Variants in EXOC4 observed in about 807,000 individuals in gnomAD.
EXOC4 encodes SEC8-like 1.
Under a neutral mutation model 107.2 loss-of-function variants are expected in EXOC4, and 71 were observed. The ratio of observed to expected loss-of-function variants is 0.66; its 90% CI spans 0.55 to 0.81. The LOEUF (loss-of-function observed/expected upper bound fraction) is 0.81, where lower values mean the gene tolerates loss of function less well. EXOC4 is among the 30% of genes least tolerant of loss of function. EXOC4 has a pLI of 0.00. For missense variants in EXOC4, 1,108 were observed against 1,189.6 expected (o/e 0.93, Z 1.01); for synonymous variants, 456 against 441.2 (o/e 1.03, Z -0.42).
At chr7:133,458,452 C>T (rs946831905) in intron 7 of EXOC4, among the ~76,000 whole-genome samples, 1 of 152,168 alleles carries the variant, frequency 6.6e-6, no homozygotes, top group African/African-American at 2.4e-5. Context: ...CATGTCACTC[C>T]AGGGACACAG....
Position 133,370,894 on chromosome 7 carries a change from TATTA to T in EXOC4, c.1008-3927_1008-3924del, listed in dbSNP as rs1301899767. Among the ~76,000 whole-genome samples the T allele has an allele frequency of 8.5e-5, 13 of 152,344 alleles. 1 individual carries two copies. The highest frequency in any genetic ancestry group is 2.9e-4 in the African/African-American group (12 of 41,582). ...AGTGTTGTGAGTCTCTTAGAACAGT[TATTA>T]ATTAATACTTTCACTTTGCAGACGG... is the stretch of plus-strand genomic sequence containing the variant. On this transcript the variant is annotated intron_variant, in intron 6 of 17. Coordinates refer to ENST00000253861, the MANE Select transcript of EXOC4 (RefSeq NM_021807.4).
At chr7:133,917,467 A>G (rs956746740) in intron 12 of EXOC4, 116 bp from the exon 13 acceptor site, 3 of 955,512 alleles carry the variant, frequency 3.1e-6, no homozygotes, top group Non-Finnish European at 4.7e-6. Context: ...ATAATGGATT[A>G]TGTTCAAAGG....
At chr7:133,616,867 G>A (rs910380597) in intron 9 of EXOC4, among the ~76,000 whole-genome samples, 1 of 152,090 alleles carries the variant, frequency 6.6e-6, no homozygotes, top group African/African-American at 2.4e-5. Flanking sequence ...TCAGAAAAAT[G>A]TAAATAAAAC....
intron 11 of EXOC4, among the ~76,000 whole-genome samples, chr7:133,888,923 A>G (rs1389795608): frequency 6.6e-6 from 1 of 152,214 alleles, no homozygotes; most frequent in Non-Finnish European, 1.5e-5. Flanking sequence ...TAAAATATCC[A>G]AAGTGCTTAT....
intron 15 of EXOC4, among the ~76,000 whole-genome samples, chr7:134,004,016 G>C (rs1419655793): frequency 6.6e-6 from 1 of 152,078 alleles, no homozygotes; most frequent in Non-Finnish European, 1.5e-5. Context: ...ATCACCTTCT[G>C]TCAGGACCCT....
chr7:133,522,338 CACA>C (rs1178076284), intron 9 of EXOC4, among the ~76,000 whole-genome samples: 2 of 152,042 alleles, frequency 1.3e-5, no homozygotes, highest in African/African-American at 2.4e-5. Context: ...TCAGGAAATA[CACA>C]ACAACAGCTT....
chr7:133,725,776 A>G (rs1031088790), intron 10 of EXOC4, among the ~76,000 whole-genome samples: 1 of 152,204 alleles, frequency 6.6e-6, no homozygotes, highest in African/African-American at 2.4e-5. Flanking sequence ...AAGTTTATTC[A>G]TTCATTGGTC....
chr7:133,331,944 AT>A (rs759750821), intron 5 of EXOC4, among the ~76,000 whole-genome samples: 2 of 152,190 alleles, frequency 1.3e-5, no homozygotes, highest in Non-Finnish European at 2.9e-5. Flanking sequence ...TCTAATTTAG[AT>A]GTAGTAGTTC....
intron 4 of EXOC4, among the ~76,000 whole-genome samples, chr7:133,310,848 A>G (rs1794855445): frequency 6.6e-6 from 1 of 152,156 alleles, no homozygotes; most frequent in African/African-American, 2.4e-5. Flanking sequence ...CATAGTAGGA[A>G]GTGGGGCCTT....
chr7:133,404,867 C>T (rs1797176062), intron 7 of EXOC4, among the ~76,000 whole-genome samples: 1 of 105,922 alleles, frequency 9.4e-6, no homozygotes, highest in African/African-American at 3.8e-5. Context: ...CCTCCACCCC[C>T]TGCGCCCCCC....
chr7:133,910,771 G>A (rs1200487221), intron 12 of EXOC4, among the ~76,000 whole-genome samples: 1 of 152,174 alleles, frequency 6.6e-6, no homozygotes, highest in Admixed American at 6.5e-5. Flanking sequence ...CTTGTCCAAG[G>A]TTCATTTGTT....
At chr7:133,621,146 C>T (rs1393545291) in intron 9 of EXOC4, among the ~76,000 whole-genome samples, 2 of 152,196 alleles carry the variant, frequency 1.3e-5, no homozygotes, top group African/African-American at 4.8e-5. Context: ...ACTGATGGCT[C>T]AGGATGAGCT....
At chr7:133,271,732 G>A (rs761651883) in intron 1 of EXOC4, among the ~76,000 whole-genome samples, 4 of 152,172 alleles carry the variant, frequency 2.6e-5, no homozygotes, top group Non-Finnish European at 5.9e-5. Flanking sequence ...AACATGCTGC[G>A]CTTACGCCGC....
chr7:133,650,032 A>G (rs1488382477), intron 10 of EXOC4, among the ~76,000 whole-genome samples: 1 of 152,138 alleles, frequency 6.6e-6, no homozygotes, highest in African/African-American at 2.4e-5. Context: ...TCCTTTTATA[A>G]ATATACAAAA....
chr7:133,443,172 G>A (rs1798142471), intron 7 of EXOC4, among the ~76,000 whole-genome samples: 1 of 152,148 alleles, frequency 6.6e-6, no homozygotes, highest in South Asian at 2.1e-4. Context: ...AGTCGCATTT[G>A]TCCAGGATCT....
At chr7:133,889,655 G>A (rs1336194576) in intron 11 of EXOC4, among the ~76,000 whole-genome samples, 1 of 113,810 alleles carries the variant, frequency 8.8e-6, no homozygotes, top group East Asian at 2.7e-4. Context: ...TCCCACCTAT[G>A]AGTGAGAATA....
chr7:133,362,432 G>A (rs542274679), intron 6 of EXOC4, among the ~76,000 whole-genome samples: 12 of 152,214 alleles, frequency 7.9e-5, no homozygotes, highest in South Asian at 4.1e-4. Flanking sequence ...ACGCTGAGTC[G>A]TTTATCATAT....
rs116637756 is a variant in EXOC4, at chr7:133,594,285, A to G, written c.1418-35760A>G. On this transcript the variant is annotated intron_variant, in intron 9 of 17. Transcript: ENST00000253861. Reference sequence around the variant, plus strand: ...AAAATAAAATCAGATAATGAGAGATAGAGTAAAAAAAGAATGAATAATATT... The same window carrying G: ...AAAATAAAATCAGATAATGAGAGATGGAGTAAAAAAAGAATGAATAATATT... Among the ~76,000 whole-genome samples, 814 of 152,272 alleles carry G rather than the reference A, an allele frequency of 5.3e-3. 9 individuals carry two copies. The highest frequency in any genetic ancestry group is 0.018 in the African/African-American group (763 of 41,532).
At chr7:134,090,576 G>C in the EXOC4 span, among the ~76,000 whole-genome samples, 1 of 152,182 alleles carries the variant, frequency 6.6e-6, no homozygotes, top group Non-Finnish European at 1.5e-5. Context: ...GAGAGACAGA[G>C]AGAAAGCATT....
Sources: gnomAD v4.1 joint callset for allele counts (sites outside exome capture counted in the v4.1 genomes callset) on GRCh38, gnomAD v4.1.1 for gene constraint, MANE v1.5 for transcripts, NCBI Gene and HGNC (gene_info 2026-07-23, HGNC 2026-07-21) for gene names.